The following CSMD1 variants were observed in gnomAD, a reference collection of about 807,000 sequenced individuals.
CSMD1 encodes CUB and Sushi multiple domains 1.
Under a neutral mutation model 417.5 loss-of-function variants are expected in CSMD1, and 213 were observed. That is an observed-to-expected ratio of 0.51 (90% confidence interval 0.46 to 0.57). The LOEUF (loss-of-function observed/expected upper bound fraction) is 0.57, where lower values mean the gene tolerates loss of function less well. Among genes scored for constraint, CSMD1 ranks in the 20% least tolerant of loss-of-function variants. The pLI, the probability that CSMD1 is intolerant of heterozygous loss-of-function variation, is 0.00. For synonymous variants in CSMD1, 2,862 were observed against 1,736.8 expected, an observed-to-expected ratio of 1.65 and a Z score of -16.11; for missense variants, 6,923 against 4,529.7, an observed-to-expected ratio of 1.53 and a Z score of -15.17.
chr8:3,338,675 C>T (rs1255176194), intron 23 of CSMD1, among the ~76,000 whole-genome samples: 1 of 152,170 alleles, frequency 6.6e-6, no homozygotes, highest in Non-Finnish European at 1.5e-5. Context: ...TGCACTTCTG[C>T]AGGGTGCATC....
At chr8:4,638,291 C>T (rs1802967257) in intron 1 of CSMD1, among the ~76,000 whole-genome samples, 1 of 152,044 alleles carries the variant, frequency 6.6e-6, no homozygotes, top group Admixed American at 6.6e-5. Context: ...ACATACACAC[C>T]TAGCCACATA....
At chr8:4,250,900 TAAAC>T (rs956517017) in intron 3 of CSMD1, among the ~76,000 whole-genome samples, 63 of 152,312 alleles carry the variant, frequency 4.1e-4, no homozygotes, top group African/African-American at 1.5e-3. Context: ...GAGCACCTCT[TAAAC>T]AATAAGGTCT....
At chr8:3,552,639 G>C (rs548490178) in intron 10 of CSMD1, among the ~76,000 whole-genome samples, 2 of 152,302 alleles carry the variant, frequency 1.3e-5, no homozygotes, top group East Asian at 1.9e-4. Context: ...ATGCTACAGA[G>C]ATCCTTTCTG....
chr8:3,997,353 G>A (rs555629224), intron 5 of CSMD1, among the ~76,000 whole-genome samples: 11 of 152,096 alleles, frequency 7.2e-5, no homozygotes, highest in Non-Finnish European at 1.6e-4. Flanking sequence ...ACACACCAGA[G>A]AACTGACCAC....
At chr8:3,803,244 T>G (rs946535310) in intron 5 of CSMD1, among the ~76,000 whole-genome samples, 5 of 152,196 alleles carry the variant, frequency 3.3e-5, no homozygotes, top group African/African-American at 1.2e-4. Context: ...TTCTGACTGC[T>G]TGGCATAAAG....
chr8:3,470,537 T>C (rs1353393346), intron 11 of CSMD1, among the ~76,000 whole-genome samples: 2 of 152,198 alleles, frequency 1.3e-5, no homozygotes, highest in Non-Finnish European at 2.9e-5. Flanking sequence ...GTATTTTGTA[T>C]GTACATTTGT....
At chr8:4,635,497 G>C (rs747522336) in intron 2 of CSMD1, among the ~76,000 whole-genome samples, 1 of 151,874 alleles carries the variant, frequency 6.6e-6, no homozygotes, top group Non-Finnish European at 1.5e-5. Flanking sequence ...AAGAACTAGA[G>C]TAAATAAAAA....
chr8:3,606,271 G>A (rs533608648), intron 8 of CSMD1, among the ~76,000 whole-genome samples: 98 of 152,102 alleles, frequency 6.4e-4, no homozygotes, highest in African/African-American at 2.3e-3. Context: ...GTGGTTGTGC[G>A]AACATCACAG....
At chr8:4,238,900 C>G (rs1802224930) in intron 3 of CSMD1, among the ~76,000 whole-genome samples, 1 of 152,054 alleles carries the variant, frequency 6.6e-6, no homozygotes, top group Non-Finnish European at 1.5e-5. Flanking sequence ...TTTTGAGTTT[C>G]TAGGTTAAAT....
At chr8:3,144,821 A>AGGGGGGG (rs1818741468) in intron 40 of CSMD1, among the ~76,000 whole-genome samples, 1 of 10,812 alleles carries the variant, frequency 9.2e-5, no homozygotes, top group African/African-American at 3.6e-4. Context: ...GGGAGGGAGA[A>AGGGGGGG]GGGGTAAGGG....
intron 3 of CSMD1, among the ~76,000 whole-genome samples, chr8:4,049,367 A>T (rs185279806): frequency 6.6e-6 from 1 of 151,856 alleles, no homozygotes. Context: ...GAGTTCTAAC[A>T]ATCAAAAATC....
chr8:4,355,868 C>T (rs530532395), intron 3 of CSMD1, among the ~76,000 whole-genome samples: 1 of 152,216 alleles, frequency 6.6e-6, no homozygotes, highest in Non-Finnish European at 1.5e-5. Flanking sequence ...GGATGGGAAC[C>T]AGGCCTTGCC....
intron 5 of CSMD1, among the ~76,000 whole-genome samples, chr8:3,817,039 CAAGA>C (rs1475051117): frequency 1.3e-5 from 2 of 151,708 alleles, no homozygotes; most frequent in Non-Finnish European, 2.9e-5. Flanking sequence ...TAGGAGATGA[CAAGA>C]GAGAAAGAAA....
At chr8:3,363,510 G>A (rs957302574) in intron 20 of CSMD1, among the ~76,000 whole-genome samples, 3 of 136,518 alleles carry the variant, frequency 2.2e-5, no homozygotes, top group African/African-American at 8.2e-5. Context: ...AATGTAGAAA[G>A]GCTTATTTAT....
chr8:4,759,676 G>C (rs970268199), intron 1 of CSMD1, among the ~76,000 whole-genome samples: 6 of 152,094 alleles, frequency 3.9e-5, no homozygotes, highest in African/African-American at 1.4e-4. Flanking sequence ...TTGGTTTTCG[G>C]TTGCTGCATT....
At chr8:4,115,573 G>T (rs1802091017) in intron 3 of CSMD1, among the ~76,000 whole-genome samples, 1 of 152,004 alleles carries the variant, frequency 6.6e-6, no homozygotes, top group Admixed American at 6.6e-5. Context: ...GGCTAATAAG[G>T]AACTTAACTG....
chr8:3,779,754 A>C (rs980993117), intron 5 of CSMD1, among the ~76,000 whole-genome samples: 1 of 152,240 alleles, frequency 6.6e-6, no homozygotes, highest in Non-Finnish European at 1.5e-5. Context: ...GTTATTTGAA[A>C]GAGATCCCAG....
rs17080018 is a variant in CSMD1, at chr8:3,330,039, G to C, written c.3631+13255C>G. ...TGTGGAGGAATGGACTGTATAAGAA[G>C]CTCAAGCCCATGGCAGTCATGGTGT... On this transcript the variant is annotated intron_variant, in intron 23 of 69. Transcript: ENST00000635120. Among the ~76,000 whole-genome samples, 152 of 152,274 alleles carry C rather than the reference G, an allele frequency of 1.0e-3. 2 individuals are homozygous for C. Among genetic ancestry groups the C allele is most frequent in the African/African-American group, 3.5e-3 (146 of 41,564 alleles).
intron 1 of CSMD1, among the ~76,000 whole-genome samples, chr8:4,833,905 T>C (rs112647534): frequency 3.3e-5 from 5 of 152,320 alleles, no homozygotes; most frequent in African/African-American, 1.2e-4. Context: ...TCACTTGGAT[T>C]GGTGTTCACC....
Sources: gnomAD v4.1 joint callset for allele counts (sites outside exome capture counted in the v4.1 genomes callset) on GRCh38, gnomAD v4.1.1 for gene constraint, MANE v1.5 for transcripts, NCBI Gene and HGNC (gene_info 2026-07-23, HGNC 2026-07-21) for gene names.